Variants in ARHGAP24 observed in about 807,000 individuals in gnomAD.
ARHGAP24 encodes the protein Rho GTPase activating protein 24.
Under a neutral mutation model 76.4 loss-of-function variants are expected in ARHGAP24, and 50 were observed. That is an observed-to-expected ratio of 0.65 (90% CI 0.52 to 0.83). The LOEUF (loss-of-function observed/expected upper bound fraction) is 0.83. Ranked by LOEUF, ARHGAP24 falls within the 40% of genes least tolerant of loss-of-function variation. The pLI is 0.00. For missense variants in ARHGAP24, 930 were observed against 914.2 expected, an observed-to-expected ratio of 1.02 and a Z score of -0.22; for synonymous variants, 345 against 323.3, an observed-to-expected ratio of 1.07 and a Z score of -0.72.
At chr4:85,634,901 C>T (rs1331571490) in intron 2 of ARHGAP24, among the ~76,000 whole-genome samples, 3 of 151,722 alleles carry the variant, frequency 2.0e-5, no homozygotes, top group Admixed American at 6.6e-5. Context: ...CCTTATCCTT[C>T]AAGTAAACAT....
At chr4:85,884,078 T>C (rs1733417798) in intron 3 of ARHGAP24, among the ~76,000 whole-genome samples, 1 of 152,232 alleles carries the variant, frequency 6.6e-6, no homozygotes, top group South Asian at 2.1e-4. Flanking sequence ...TGTGCAGGAA[T>C]ATGTAGTTAA....
At chr4:85,991,737 T>G (rs1740340773) in intron 8 of ARHGAP24, 1 of 158,244 alleles carries the variant, frequency 6.3e-6, no homozygotes, top group African/African-American at 2.4e-5. Context: ...AGTGTCACTT[T>G]TCTATATCAT....
At chr4:85,835,736 A>AG (rs1365131885) in intron 3 of ARHGAP24, among the ~76,000 whole-genome samples, 2 of 151,818 alleles carry the variant, frequency 1.3e-5, no homozygotes, top group African/African-American at 2.4e-5. Flanking sequence ...CCCGGGCAGG[A>AG]GTGCAGTGGC....
intron 1 of ARHGAP24, 111 bp downstream of exon 1, chr4:85,475,670 CGGG>C (rs1479965148): frequency 1.8e-4 from 2 of 11,138 alleles, no homozygotes; most frequent in African/African-American, 5.0e-4. Flanking sequence ...CTGCGGGGGG[CGGG>C]GAGGGGGCTG....
intron 3 of ARHGAP24, among the ~76,000 whole-genome samples, chr4:85,824,400 C>T (rs1729615780): frequency 6.6e-6 from 1 of 152,190 alleles, no homozygotes; most frequent in South Asian, 2.1e-4. Flanking sequence ...CCATCCGACT[C>T]ATCCATGAAC....
At chr4:85,591,861 A>G (rs1728126035) in intron 2 of ARHGAP24, among the ~76,000 whole-genome samples, 1 of 152,178 alleles carries the variant, frequency 6.6e-6, no homozygotes, top group Non-Finnish European at 1.5e-5. Flanking sequence ...TACCTGGCAT[A>G]CAGAAAATAT....
chr4:85,960,723 A>T (rs1046800287), intron 5 of ARHGAP24, among the ~76,000 whole-genome samples: 1 of 152,140 alleles, frequency 6.6e-6, no homozygotes. Flanking sequence ...GAAAATTATC[A>T]TGTTGCAAAA....
chr4:85,853,488 G>A (rs559851755), intron 3 of ARHGAP24, among the ~76,000 whole-genome samples: 1 of 152,302 alleles, frequency 6.6e-6, no homozygotes, highest in African/African-American at 2.4e-5. Context: ...TGTACCCACT[G>A]TCCAACCAGT....
At chr4:85,946,158 T>A (rs1737253969) in intron 5 of ARHGAP24, among the ~76,000 whole-genome samples, 1 of 152,146 alleles carries the variant, frequency 6.6e-6, no homozygotes. Flanking sequence ...ACCTGCCCCA[T>A]GATTCAACCA....
intron 3 of ARHGAP24, among the ~76,000 whole-genome samples, chr4:85,890,725 G>A (rs1341036826): frequency 6.6e-6 from 1 of 152,176 alleles, no homozygotes; most frequent in Non-Finnish European, 1.5e-5. Context: ...CTGGAAATGT[G>A]TTAGAAGCTA....
intron 3 of ARHGAP24, among the ~76,000 whole-genome samples, chr4:85,836,868 A>G (rs1730319856): frequency 6.6e-6 from 1 of 152,234 alleles, no homozygotes; most frequent in Admixed American, 6.5e-5. Flanking sequence ...CTCCTGCATC[A>G]GAATCTGCAT....
chr4:85,804,429 A>G (rs542958817), intron 3 of ARHGAP24, among the ~76,000 whole-genome samples: 2 of 152,352 alleles, frequency 1.3e-5, no homozygotes, highest in Admixed American at 6.5e-5. Flanking sequence ...AAAATGCTAC[A>G]TAAAACAAGA....
At chr4:85,583,203 A>C (rs1194223245) in intron 2 of ARHGAP24, among the ~76,000 whole-genome samples, 1 of 152,198 alleles carries the variant, frequency 6.6e-6, no homozygotes, top group Admixed American at 6.6e-5. Context: ...ATATTTTCTT[A>C]GAGTGACAAT....
At chr4:85,642,305 A>G (rs1721552787) in intron 2 of ARHGAP24, among the ~76,000 whole-genome samples, 1 of 152,196 alleles carries the variant, frequency 6.6e-6, no homozygotes, top group African/African-American at 2.4e-5. Context: ...GATGAAAACC[A>G]ATAGGCAGAT....
chr4:85,814,189 T>C (rs2110116205), intron 3 of ARHGAP24, among the ~76,000 whole-genome samples: 1 of 152,156 alleles, frequency 6.6e-6, no homozygotes, highest in East Asian at 1.9e-4. Context: ...CAAGATGAGA[T>C]TTGGGTAGGG....
chr4:85,829,434 G>A (rs1267739468), intron 3 of ARHGAP24, among the ~76,000 whole-genome samples: 1 of 152,164 alleles, frequency 6.6e-6, no homozygotes, highest in Non-Finnish European at 1.5e-5. Context: ...CATGTGGAAT[G>A]CCAAGTTCCT....
At chr4:85,645,031 A>G (rs895221662) in intron 2 of ARHGAP24, among the ~76,000 whole-genome samples, 3 of 152,126 alleles carry the variant, frequency 2.0e-5, no homozygotes, top group Admixed American at 6.6e-5. Context: ...GAAGCAAAAG[A>G]GTAGCCTAGA....
intron 3 of ARHGAP24, among the ~76,000 whole-genome samples, chr4:85,828,702 C>T (rs778836620): frequency 4.6e-5 from 7 of 152,070 alleles, no homozygotes; most frequent in Non-Finnish European, 1.0e-4. Flanking sequence ...CATGGGAACG[C>T]AGAGTATTAC....
intron 2 of ARHGAP24, among the ~76,000 whole-genome samples, chr4:85,580,587 T>C (rs1476542146): frequency 6.6e-6 from 1 of 152,120 alleles, no homozygotes; most frequent in Non-Finnish European, 1.5e-5. Flanking sequence ...CAAAATTTTC[T>C]TTGCTCTACG....
Sources: gnomAD v4.1 joint callset for allele counts (sites outside exome capture counted in the v4.1 genomes callset) on GRCh38, gnomAD v4.1.1 for gene constraint, MANE v1.5 for transcripts, NCBI Gene and HGNC (gene_info 2026-07-23, HGNC 2026-07-21) for gene names.